The following RADX variants were observed in gnomAD, a reference collection of about 807,000 sequenced individuals.
RADX encodes RPA1 related single stranded DNA binding protein, X-linked, also known as RPA-related protein RADX.
In RADX, 36 loss-of-function variants were observed where a neutral mutation model predicts 61.6. The observed-to-expected ratio is 0.58, with a 90% CI of 0.45 to 0.77. The LOEUF (loss-of-function observed/expected upper bound fraction) is 0.77. RADX is among the 30% of genes least tolerant of loss of function. The pLI is 0.00. For synonymous variants in RADX, 272 were observed against 237.9 expected (o/e 1.14, Z -1.32); for missense variants, 497 against 651.1 (o/e 0.76, Z 2.58).
At chrX:106,675,093 C>T (rs1928474651) in intron 13 of RADX, among the ~76,000 whole-genome samples, 1 of 111,053 alleles carries the variant, frequency 9.0e-6, no homozygotes, top group African/African-American at 3.3e-5. Context: ...TATCCCAAGT[C>T]ATTTATTGAA....
At chrX:106,617,819 C>CA (rs1342198523) in intron 1 of RADX, among the ~76,000 whole-genome samples, 1 of 110,500 alleles carries the variant, frequency 9.0e-6, no homozygotes, top group East Asian at 2.8e-4. Flanking sequence ...AGAAACACTG[C>CA]AAAAAAATGG....
At chrX:106,630,419 G>A (rs1927188443) in intron 3 of RADX, among the ~76,000 whole-genome samples, 1 of 110,265 alleles carries the variant, frequency 9.1e-6, no homozygotes. Context: ...TTCTTAATGG[G>A]TAAAAGTTAG....
chrX:106,677,919 G>T (rs992467020), intron 13 of RADX, among the ~76,000 whole-genome samples: 6 of 110,621 alleles, frequency 5.4e-5, no homozygotes, highest in African/African-American at 2.0e-4. Flanking sequence ...TGCCATGGCA[G>T]TTTTGGTGTA....
intron 11 of RADX, among the ~76,000 whole-genome samples, chrX:106,657,875 A>G (rs1316231521): frequency 2.7e-5 from 3 of 111,706 alleles, no homozygotes; most frequent in South Asian, 3.7e-4. Context: ...AAATATTGTG[A>G]TAATTACCAA....
In RADX at chrX:106,640,709, C is replaced by A; in HGVS notation, c.1892C>A (p.Pro631Gln). ...LSNKIRILQG[P>Q]HANPVAVPQP... ...AATAAAATAAGAATTCTTCAAGGCC[C>A]ACACGCTAATCCGTAAGTCATTTGT... Residue 631 changes from proline to glutamine, a missense_variant, in exon 10 of 14, where the codon CCA becomes CAA. Pro to Gln is a moderately conservative substitution (Grantham distance 76, BLOSUM62 -1). Coordinates refer to ENST00000372548, the MANE Select transcript of RADX (RefSeq NM_018015.6). 8.5e-7 allele frequency: 1 copy of A among 1,179,592 alleles called. No homozygotes were observed.
chrX:106,639,113 A>T (rs1040953765), intron 8 of RADX, among the ~76,000 whole-genome samples: 2 of 111,913 alleles, frequency 1.8e-5, no homozygotes, highest in African/African-American at 6.5e-5. Context: ...GGTTTTGGAA[A>T]AAAAGAGAAA....
chrX:106,633,081 T>C (rs1345971257), intron 5 of RADX, 49 bp from the exon 6 acceptor site: 1 of 1,159,709 alleles, frequency 8.6e-7, no homozygotes, highest in African/African-American at 1.8e-5. Context: ...TTTGTGTTCA[T>C]ATGTATATAA....
chrX:106,615,858 T>C (rs1324703840), intron 1 of RADX, among the ~76,000 whole-genome samples: 2 of 112,017 alleles, frequency 1.8e-5, no homozygotes, highest in Non-Finnish European at 3.8e-5. Context: ...TTGGTCACGA[T>C]TATTTTTACA....
At chrX:106,662,704 G>A (rs1290756203) in intron 12 of RADX, among the ~76,000 whole-genome samples, 1 of 90,709 alleles carries the variant, frequency 1.1e-5, no homozygotes, top group Non-Finnish European at 2.2e-5. Context: ...ATCAAAAGAA[G>A]CCCCTACCAA....
chrX:106,664,626 T>C (rs1928182747), intron 12 of RADX, among the ~76,000 whole-genome samples: 2 of 110,764 alleles, frequency 1.8e-5, no homozygotes, highest in African/African-American at 6.6e-5. Flanking sequence ...TACTTCACGC[T>C]CTAATAGTTT....
chrX:106,616,369 T>A (rs972047076), intron 1 of RADX, among the ~76,000 whole-genome samples: 1 of 111,843 alleles, frequency 8.9e-6, no homozygotes, highest in Non-Finnish European at 1.9e-5. Flanking sequence ...GACACTTGGT[T>A]TTACTAATAA....
intron 11 of RADX, among the ~76,000 whole-genome samples, chrX:106,661,591 T>G (rs1928099062): frequency 9.0e-6 from 1 of 110,824 alleles, no homozygotes; most frequent in African/African-American, 3.3e-5. Context: ...CAGTTTACTT[T>G]TAGCAGAGAT....
In RADX at chrX:106,662,272, C is replaced by T. The variant is rs369836821; in HGVS notation, c.2236C>T (p.Arg746Ter). Residue 746 changes from arginine (R) to a stop codon, truncating the protein, a stop_gained, in exon 12 of 14, where the codon CGA (arginine) becomes TGA (stop). Transcript: ENST00000372548. LOFTEE classifies it high-confidence loss of function. ...PPKLDDFKSA[R>*]SLGHFEVTIL... is the part of the protein sequence containing the mutation. ...AAAACTTGATGATTTTAAGAGCGCC[C>T]GAAGCCTTGGACATTTTGAAGTAAC... 1 of 1,207,077 alleles carries T rather than the reference C, an allele frequency of 8.3e-7. No homozygotes were observed. The highest frequency in any genetic ancestry group is 1.1e-6 in the Non-Finnish European group (1 of 893,692).
chrX:106,659,641 A>G (rs2147636781), intron 11 of RADX, among the ~76,000 whole-genome samples: 1 of 111,282 alleles, frequency 9.0e-6, no homozygotes, highest in East Asian at 2.8e-4. Context: ...TGAGCTCTAG[A>G]TATATTTTGT....
chrX:106,612,514 A>G lies in RADX; in HGVS notation c.434A>G (p.Gln145Arg). The stretch of plus-strand genomic sequence containing the variant: ...CTTTACAATGAGAAAAGGATAGGCC[A>G]GGGGATCCTGTGCATAGATAACGTC... ...SCLYNEKRIG[Q>R]GILCIDNVHC... Residue 145 changes from glutamine (Q) to arginine (R), a missense_variant, in exon 1 of 14, where the codon CAG becomes CGG. Gln to Arg is a conservative substitution (Grantham distance 43). Around this residue, in one of 3 missense-constraint regions of RADX, gnomAD observed 196 missense variants for 315.0 expected, o/e 0.62. Transcript: ENST00000372548. 1.7e-6 allele frequency: 2 copies of G among 1,210,772 alleles called. No homozygotes were observed. The highest frequency in any genetic ancestry group is 3.5e-5 in the South Asian group (2 of 56,951).
intron 13 of RADX, among the ~76,000 whole-genome samples, chrX:106,677,653 A>G (rs1190147412): frequency 9.0e-6 from 1 of 111,465 alleles, no homozygotes; most frequent in Non-Finnish European, 1.9e-5. Context: ...ACACATATAC[A>G]CATATGTATA....
intron 13 of RADX, among the ~76,000 whole-genome samples, chrX:106,672,646 T>C (rs1407877958): frequency 1.8e-5 from 2 of 111,592 alleles, no homozygotes; most frequent in Admixed American, 1.9e-4. Flanking sequence ...CCACCTATGT[T>C]CGCCTTATGC....
intron 11 of RADX, among the ~76,000 whole-genome samples, chrX:106,649,032 T>C (rs1927732001): frequency 9.0e-6 from 1 of 111,548 alleles, no homozygotes; most frequent in Non-Finnish European, 1.9e-5. Flanking sequence ...TTACATGATA[T>C]AAAATTGGAG....
intron 13 of RADX, among the ~76,000 whole-genome samples, chrX:106,676,840 A>G (rs1928524072): frequency 8.9e-6 from 1 of 111,844 alleles, no homozygotes; most frequent in Non-Finnish European, 1.9e-5. Context: ...ATGAGTGATT[A>G]GAGTCTTCTC....
Sources: gnomAD v4.1 joint callset for allele counts (sites outside exome capture counted in the v4.1 genomes callset) on GRCh38, gnomAD v4.1.1 for gene constraint, gnomAD v4.1.1 regional missense constraint, MANE v1.5 for transcripts, NCBI Gene and HGNC (gene_info 2026-07-23, HGNC 2026-07-21) for gene names.